The following SLF2 variants were observed in gnomAD, a reference collection of about 807,000 sequenced individuals.
The protein encoded by SLF2 is SMC5/6 complex localization factor 2, also known as SMC5-SMC6 complex localization factor protein 2.
A neutral mutation model predicts 124.3 loss-of-function variants in SLF2; 68 were observed. The observed-to-expected ratio is 0.55, with a 90% confidence interval of 0.45 to 0.67. The LOEUF is 0.67. SLF2 is among the 30% of genes least tolerant of loss of function. SLF2 has a pLI of 0.00. For missense variants in SLF2, 1,246 were observed against 1,373.7 expected (o/e 0.91, Z 1.47); for synonymous variants, 480 against 478.8 (o/e 1.00, Z -0.03).
intron 9 of SLF2, among the ~76,000 whole-genome samples, chr10:100,936,865 TA>T (rs36074599): frequency 0.054 from 7,914 of 146,512 alleles, 230 homozygotes; most frequent in Non-Finnish European, 0.063. Context: ...ATGAAAGTTG[TA>T]AAAAAAAAAA....
At chr10:100,917,419 A>G in intron 3 of SLF2, 119 bp downstream of exon 3, 1 of 1,151,416 alleles carries the variant, frequency 8.7e-7, no homozygotes, top group Non-Finnish European at 1.2e-6. Flanking sequence ...GGAAATACTT[A>G]TGCACAGTTT....
intron 11 of SLF2, chr10:100,943,547 G>T (rs1011180703): frequency 6.6e-6 from 1 of 152,232 alleles, no homozygotes; most frequent in Non-Finnish European, 1.5e-5. Context: ...AATCTTCACT[G>T]ATAACCTCTG....
In SLF2 at chr10:100,915,415, A is replaced by G. The variant is rs979022930; in HGVS notation, c.141-584A>G. 2.4e-4 allele frequency among the ~76,000 whole-genome samples: 37 copies of G among 152,094 alleles called. 1 individual carries two copies. The highest frequency in any genetic ancestry group is 8.5e-4 in the African/African-American group (35 of 41,418). On this transcript the variant is annotated intron_variant, in intron 1 of 19. Transcript: ENST00000238961. The stretch of plus-strand genomic sequence containing the variant: ...CCCTTGTCCAGCAAACTCCTCTTCA[A>G]CTGATTCCCTAGATCAGCCAAATCA...
In SLF2 at chr10:100,916,966, A is replaced by G. The variant is rs768396814; in HGVS notation, c.581A>G (p.Asn194Ser). 7.4e-6 allele frequency: 12 copies of G among 1,614,072 alleles called. No homozygotes were observed. Among genetic ancestry groups the G allele is most frequent in the Non-Finnish European group, 9.3e-6 (11 of 1,180,034 alleles). Residue 194 changes from asparagine to serine, a missense_variant, in exon 3 of 20, where the codon AAT becomes AGT. By Grantham distance (46) the Asn-to-Ser change is conservative. Around this residue, in one of 3 missense-constraint regions of SLF2, gnomAD observed 698 missense variants for 708.9 expected, o/e 0.98. Coordinates refer to ENST00000238961, the MANE Select transcript of SLF2 (RefSeq NM_018121.4). The part of the protein sequence containing the change: ...EKNDRDRGKT[N>S]ADSKKQTTVA... ...AATGATAGAGATCGAGGCAAAACCA[A>G]TGCAGACTCCAAAAAGCAGACCACA...
chr10:100,925,939 C>G lies in SLF2; in HGVS notation c.1972-10C>G, dbSNP rs767365199. On this transcript the variant is annotated splice_polypyrimidine_tract_variant and intron_variant, in intron 5 of 19. Coordinates refer to ENST00000238961, the MANE Select transcript of SLF2 (RefSeq NM_018121.4). Reference sequence around the variant, plus strand: ...ATGTGGTAAAGTATTTCTAAATGTTCTTGTTTTAGGGACATGTTCATCCTG... The same window carrying G: ...ATGTGGTAAAGTATTTCTAAATGTTGTTGTTTTAGGGACATGTTCATCCTG... 1.3e-6 allele frequency: 2 copies of G among 1,566,776 alleles called. No individual in the cohort carries two copies. Among genetic ancestry groups the G allele is most frequent in the Non-Finnish European group, 1.7e-6 (2 of 1,158,456 alleles).
chr10:100,925,896 C>T (rs1849601949), intron 5 of SLF2, 53 bp from the exon 6 acceptor site: 4 of 1,491,712 alleles, frequency 2.7e-6, no homozygotes, highest in Non-Finnish European at 3.6e-6. Flanking sequence ...TAAAACATCC[C>T]AGTTCTTCTA....
chr10:100,950,153 T>C lies in SLF2; in HGVS notation c.3198T>C (p.Ala1066=). 6.2e-7 allele frequency: 1 copy of C among 1,613,946 alleles called. No individual in the cohort carries two copies. The highest frequency in any genetic ancestry group is 8.5e-7 in the Non-Finnish European group (1 of 1,179,948). ...LLKKMVLKKK[A]EQPDGIIDDS... ...AGAAAATGGTCTTGAAGAAAAAGGC[T>C]GAACAACCAGATGGCATTATTGATG... is the stretch of plus-strand genomic sequence containing the variant. Residue 1066 remains alanine, a synonymous_variant, in exon 16 of 20, where the codon GCT becomes GCC. Transcript: ENST00000238961.
intron 11 of SLF2, among the ~76,000 whole-genome samples, chr10:100,940,356 ATG>A (rs755304485): frequency 7.9e-5 from 12 of 151,886 alleles, no homozygotes; most frequent in East Asian, 1.9e-4. Context: ...GAGTCTGGAA[ATG>A]TGTGTGTGTG....
chr10:100,940,436 A>G (rs958611701), intron 11 of SLF2, among the ~76,000 whole-genome samples: 25 of 151,792 alleles, frequency 1.6e-4, no homozygotes, highest in African/African-American at 5.8e-4. Context: ...CTCAGCTCAC[A>G]GCAACCTCCA....
chr10:100,912,992 A>G lies in SLF2; in HGVS notation c.-119A>G, dbSNP rs1849343367. On this transcript the variant is annotated 5_prime_UTR_variant, in exon 1 of 20. Transcript: ENST00000238961. Reference sequence around the variant, plus strand: ...CCGAAGAGAGAACCGCCATGAAGAGAGAAGGGGGTGCCGCCCACCTCTGCT... The same window carrying G: ...CCGAAGAGAGAACCGCCATGAAGAGGGAAGGGGGTGCCGCCCACCTCTGCT... The G allele has an allele frequency of 1.8e-6, 2 of 1,102,758 alleles. No homozygotes were observed. The highest frequency in any genetic ancestry group is 2.6e-6 in the Non-Finnish European group (2 of 772,842). 68.3% of individuals were successfully genotyped at this position (1,102,758 alleles called of 1,614,324 possible).
chr10:100,947,116 T>C lies in SLF2; in HGVS notation c.3012T>C (p.Pro1004=), dbSNP rs745839258. ...TCCTGTGGTTGGTACAGCTGGTCCC[T>C]AATTGGACATCACGTGGAAGGTATT... ...HNLLWLVQLV[P]NWTSRGRQLR... The change falls in exon 14 of 20, where the codon CCT becomes CCC. Residue 1004 remains proline, a synonymous_variant. Transcript: ENST00000238961. 6.3e-7 allele frequency: 1 copy of C among 1,579,858 alleles called. No individual in the cohort carries two copies. The highest frequency in any genetic ancestry group is 1.9e-5 in the Admixed American group (1 of 51,346).
At chr10:100,948,553 G>A (rs1026055221) in intron 15 of SLF2, among the ~76,000 whole-genome samples, 4 of 152,104 alleles carry the variant, frequency 2.6e-5, no homozygotes, top group Non-Finnish European at 4.4e-5. Context: ...TATAAACATT[G>A]ATAGCACTAA....
intron 6 of SLF2, 111 bp from the exon 7 acceptor site, chr10:100,929,206 A>G (rs901990813): frequency 1.5e-5 from 15 of 1,001,116 alleles, no homozygotes; most frequent in Non-Finnish European, 2.0e-5. Flanking sequence ...AATTTGTTAT[A>G]TACCAGGGTA....
At chr10:100,923,244 G>A (rs899724175) in intron 4 of SLF2, among the ~76,000 whole-genome samples, 4 of 152,126 alleles carry the variant, frequency 2.6e-5, no homozygotes, top group Non-Finnish European at 5.9e-5. Context: ...TCACAGTTCT[G>A]GAAGCTAGAA....
intron 9 of SLF2, among the ~76,000 whole-genome samples, chr10:100,934,855 C>T (rs961379154): frequency 2.0e-5 from 3 of 151,028 alleles, no homozygotes; most frequent in Non-Finnish European, 4.4e-5. Flanking sequence ...CTCCTGACCT[C>T]GAGTGATCTG....
At chr10:100,922,278 G>A (rs1299082202) in intron 4 of SLF2, among the ~76,000 whole-genome samples, 1 of 152,122 alleles carries the variant, frequency 6.6e-6, no homozygotes, top group African/African-American at 2.4e-5. Context: ...ATTTCACCAT[G>A]TTGCCTAGGC....
intron 1 of SLF2, among the ~76,000 whole-genome samples, chr10:100,914,772 A>G (rs990302096): frequency 6.6e-6 from 1 of 152,202 alleles, no homozygotes; most frequent in Non-Finnish European, 1.5e-5. Context: ...ATCTCAAACA[A>G]GCGTGATGGA....
Position 100,924,322 on chromosome 10 carries a change from T to A in SLF2, c.1321T>A (p.Leu441Ile), listed in dbSNP as rs767581981. 19 of 1,613,924 alleles carry A rather than the reference T, an allele frequency of 1.2e-5. No homozygotes were observed. Among genetic ancestry groups the A allele is most frequent in the Admixed American group, 3.3e-5 (2 of 59,992 alleles). Reference protein sequence around the residue: ...TKETKMQKPHLPLSQEKSAIK... With the variant: ...TKETKMQKPHIPLSQEKSAIK... The stretch of plus-strand genomic sequence containing the variant: ...GGAGACTAAGATGCAGAAACCCCAC[T>A]TACCTTTATCTCAGGAAAAGTCTGC... The change falls in exon 5 of 20, where the codon TTA becomes ATA. Residue 441 changes from leucine to isoleucine, a missense_variant. Transcript: ENST00000238961.
chr10:100,924,213 T>G lies in SLF2; in HGVS notation c.1212T>G (p.Ser404=). The G allele has an allele frequency of 1.9e-6, 3 of 1,614,168 alleles. No individual in the cohort carries two copies. The highest frequency in any genetic ancestry group is 2.5e-6 in the Non-Finnish European group (3 of 1,180,044). Residue 404 remains serine (S), a synonymous_variant, in exon 5 of 20, where the codon TCT becomes TCG. Coordinates refer to ENST00000238961, the MANE Select transcript of SLF2 (RefSeq NM_018121.4). ...CGAGTGATGAAACTGATGGCTCTTC[T>G]GCAGGCTTGGCACCTTCAAATTCTG... ...KEPSDETDGS[S]AGLAPSNSGN...
Sources: allele counts gnomAD v4.1 joint callset (sites outside exome capture counted in the v4.1 genomes callset), GRCh38; gene constraint gnomAD v4.1.1; regional missense constraint gnomAD v4.1.1; transcripts MANE v1.5; gene names NCBI Gene and HGNC (gene_info 2026-07-23, HGNC 2026-07-21).